The following GABRG3 variants were observed in gnomAD, a reference collection of about 807,000 sequenced individuals.
GABRG3 encodes the protein gamma-aminobutyric acid type A receptor subunit gamma3.
GABRG3 carries 25 observed loss-of-function variants against 48.8 expected under a neutral mutation model. That is an observed-to-expected ratio of 0.51 (90% CI 0.37 to 0.72). The LOEUF (loss-of-function observed/expected upper bound fraction) is 0.72, where lower values mean the gene tolerates loss of function less well. GABRG3 is among the 30% of genes least tolerant of loss of function. GABRG3 has a pLI of 0.00. For synonymous variants in GABRG3, 227 were observed against 217.6 expected, an observed-to-expected ratio of 1.04 and a Z score of -0.38; for missense variants, 394 against 577.9, an observed-to-expected ratio of 0.68 and a Z score of 3.26.
intron 5 of GABRG3, among the ~76,000 whole-genome samples, chr15:27,336,209 AG>A (rs1244351683): frequency 8.2e-5 from 8 of 97,484 alleles, no homozygotes; most frequent in African/African-American, 5.9e-4. Flanking sequence ...AAAGAAAGAA[AG>A]AGAGAGAGAG....
At chr15:26,987,856 T>C (rs1895178919) in intron 2 of GABRG3, among the ~76,000 whole-genome samples, 1 of 152,244 alleles carries the variant, frequency 6.6e-6, no homozygotes, top group Non-Finnish European at 1.5e-5. Flanking sequence ...TTTCAGTGTT[T>C]TAATTTCACT....
chr15:27,037,010 C>T (rs1896190931), intron 3 of GABRG3, among the ~76,000 whole-genome samples: 1 of 152,124 alleles, frequency 6.6e-6, no homozygotes, highest in African/African-American at 2.4e-5. Flanking sequence ...CTCACACACT[C>T]ACAGGGAGAA....
At chr15:27,097,966 A>G (rs990239725) in intron 3 of GABRG3, among the ~76,000 whole-genome samples, 1 of 150,410 alleles carries the variant, frequency 6.6e-6, no homozygotes, top group African/African-American at 2.4e-5. Context: ...CAGATGTCTT[A>G]TAAGAAGAGA....
At chr15:27,482,291 C>A (rs1362782783) in intron 6 of GABRG3, among the ~76,000 whole-genome samples, 1 of 152,156 alleles carries the variant, frequency 6.6e-6, no homozygotes, top group African/African-American at 2.4e-5. Context: ...TAAAAAAATT[C>A]CCATTTCATA....
At chr15:26,983,243 A>C (rs1171136799) in intron 2 of GABRG3, among the ~76,000 whole-genome samples, 1 of 151,764 alleles carries the variant, frequency 6.6e-6, no homozygotes, top group African/African-American at 2.4e-5. Flanking sequence ...TTATATGTAC[A>C]TAATGTGCTG....
intron 5 of GABRG3, among the ~76,000 whole-genome samples, chr15:27,478,758 G>A (rs1463706818): frequency 6.6e-6 from 1 of 152,140 alleles, no homozygotes. Context: ...TCTATCAACT[G>A]ATGAATGGAT....
intron 3 of GABRG3, among the ~76,000 whole-genome samples, chr15:27,249,316 T>G (rs1890380072): frequency 6.6e-6 from 1 of 152,134 alleles, no homozygotes; most frequent in South Asian, 2.1e-4. Context: ...CCCCTGTTCC[T>G]CACATGCATC....
chr15:26,979,795 AT>A (rs149059742), intron 2 of GABRG3, among the ~76,000 whole-genome samples: 7,441 of 152,074 alleles, frequency 0.049, 585 homozygotes, highest in African/African-American at 0.17. Flanking sequence ...TTTGTTAAGG[AT>A]TTTTGCATGT....
intron 5 of GABRG3, among the ~76,000 whole-genome samples, chr15:27,351,092 G>T (rs1894559269): frequency 6.7e-6 from 1 of 149,664 alleles, no homozygotes; most frequent in Non-Finnish European, 1.5e-5. Flanking sequence ...TATAGTGTGT[G>T]TATGGTGTGT....
At chr15:27,231,050 ATTTCT>A (rs1889782304) in intron 3 of GABRG3, among the ~76,000 whole-genome samples, 1 of 133,344 alleles carries the variant, frequency 7.5e-6, no homozygotes, top group African/African-American at 2.9e-5. Flanking sequence ...TGTGTGTGTG[ATTTCT>A]TCCTAATATT....
chr15:27,500,952 G>GTTTTTTT lies in GABRG3; in HGVS notation c.713-19008_713-19002dup, dbSNP rs61305255. ...CTGAGAAAAATAGGAAGTAACGTAT[G>GTTTTTTT]TTTTTTTTTTTTTTTTTTGAGACGG... is the stretch of plus-strand genomic sequence containing the variant. On this transcript the variant is annotated intron_variant, in intron 6 of 9. Transcript: ENST00000615808. Among the ~76,000 whole-genome samples, 265 of 122,142 alleles carry GTTTTTTT rather than the reference G, an allele frequency of 2.2e-3. 10 individuals are homozygous for GTTTTTTT. The highest frequency in any genetic ancestry group is 7.9e-3 in the African/African-American group (247 of 31,124). 80.1% of individuals were successfully genotyped at this position (122,142 alleles called of 152,430 possible).
chr15:27,301,913 A>C (rs890732554), intron 3 of GABRG3, among the ~76,000 whole-genome samples: 2 of 152,112 alleles, frequency 1.3e-5, no homozygotes, highest in Non-Finnish European at 2.9e-5. Context: ...GAGGCATGGC[A>C]TTTTTCAAGT....
At chr15:27,055,843 A>G (rs1047357058) in intron 3 of GABRG3, among the ~76,000 whole-genome samples, 7 of 151,696 alleles carry the variant, frequency 4.6e-5, no homozygotes, top group African/African-American at 1.7e-4. Context: ...AGTCATTGAG[A>G]AAAAAAAATC....
intron 3 of GABRG3, among the ~76,000 whole-genome samples, chr15:27,271,897 TC>T (rs1019503780): frequency 2.0e-5 from 3 of 152,194 alleles, no homozygotes; most frequent in Non-Finnish European, 4.4e-5. Context: ...TGCATAAGTA[TC>T]CCCTGGGAGC....
intron 3 of GABRG3, among the ~76,000 whole-genome samples, chr15:27,213,725 A>T (rs959897715): frequency 6.6e-6 from 1 of 152,342 alleles, no homozygotes; most frequent in Non-Finnish European, 1.5e-5. Context: ...CCATGAAGTT[A>T]TATTTCCAAA....
At chr15:27,091,728 C>T (rs991801883) in intron 3 of GABRG3, among the ~76,000 whole-genome samples, 1 of 152,186 alleles carries the variant, frequency 6.6e-6, no homozygotes, top group African/African-American at 2.4e-5. Flanking sequence ...CAGGTCAAAA[C>T]CAACAAACGT....
chr15:27,390,854 C>T (rs1287295442), intron 5 of GABRG3, among the ~76,000 whole-genome samples: 2 of 152,062 alleles, frequency 1.3e-5, no homozygotes, highest in African/African-American at 4.8e-5. Flanking sequence ...TTTGGGAGGA[C>T]GTGGCGGGTG....
chr15:27,274,583 G>A (rs1310683523), intron 3 of GABRG3, among the ~76,000 whole-genome samples: 1 of 151,986 alleles, frequency 6.6e-6, no homozygotes, highest in Non-Finnish European at 1.5e-5. Context: ...ACCTCCTATG[G>A]GCCCCACCTT....
intron 3 of GABRG3, among the ~76,000 whole-genome samples, chr15:27,038,618 G>A (rs929957523): frequency 3.3e-5 from 5 of 152,206 alleles, no homozygotes; most frequent in African/African-American, 1.2e-4. Flanking sequence ...GGCACAGACT[G>A]TGTCGATATC....
Sources: gnomAD v4.1 joint callset for allele counts (sites outside exome capture counted in the v4.1 genomes callset) on GRCh38, gnomAD v4.1.1 for gene constraint, MANE v1.5 for transcripts, NCBI Gene and HGNC (gene_info 2026-07-23, HGNC 2026-07-21) for gene names.